The following MGMT variants were observed in gnomAD, a reference collection of about 807,000 sequenced individuals.
MGMT encodes the protein O-6-methylguanine-DNA methyltransferase, also known as methylated-DNA--protein-cysteine methyltransferase.
In MGMT, 14 loss-of-function variants were observed where a neutral mutation model predicts 15.9. The observed-to-expected ratio is 0.88, with a 90% CI of 0.58 to 1.37. The LOEUF (loss-of-function observed/expected upper bound fraction) is 1.37, where lower values mean the gene tolerates loss of function less well. Among genes scored for constraint, MGMT ranks in the 40% most tolerant of loss-of-function variants. The pLI is 0.00. For missense variants in MGMT, 282 were observed against 268.1 expected, an observed-to-expected ratio of 1.05 and a Z score of -0.36; for synonymous variants, 130 against 118.2, an observed-to-expected ratio of 1.10 and a Z score of -0.65.
intron 2 of MGMT, among the ~76,000 whole-genome samples, chr10:129,595,837 T>C (rs575834592): frequency 2.3e-4 from 35 of 152,238 alleles, no homozygotes; most frequent in Non-Finnish European, 3.4e-4. Context: ...CCTCCTGTCT[T>C]GCACTCAAGC....
intron 2 of MGMT, among the ~76,000 whole-genome samples, chr10:129,540,679 A>G (rs1475122796): frequency 6.6e-6 from 1 of 152,212 alleles, no homozygotes; most frequent in Non-Finnish European, 1.5e-5. Context: ...TTGTTTTGGA[A>G]TTAGTCTCAT....
intron 2 of MGMT, among the ~76,000 whole-genome samples, chr10:129,543,131 C>T (rs1201820677): frequency 1.3e-5 from 2 of 152,224 alleles, no homozygotes; most frequent in Admixed American, 1.3e-4. Flanking sequence ...GGGCCGACTG[C>T]TGGCCCCCGG....
intron 3 of MGMT, among the ~76,000 whole-genome samples, chr10:129,718,945 G>A (rs767363796): frequency 4.0e-5 from 6 of 149,172 alleles, no homozygotes; most frequent in Admixed American, 6.7e-5. Flanking sequence ...ATCACCTTCC[G>A]CTCAGGTGTG....
intron 3 of MGMT, among the ~76,000 whole-genome samples, chr10:129,720,698 G>A (rs376133696): frequency 6.6e-5 from 10 of 152,222 alleles, no homozygotes; most frequent in East Asian, 3.8e-4. Flanking sequence ...AACTGGGGCC[G>A]GAGAGCTTTC....
chr10:129,550,515 C>T (rs1259672814), intron 2 of MGMT, among the ~76,000 whole-genome samples: 2 of 151,208 alleles, frequency 1.3e-5, no homozygotes, highest in African/African-American at 2.4e-5. Flanking sequence ...GGTGCGATCT[C>T]GGCTCACTGC....
chr10:129,634,509 C>T (rs1371012941), intron 2 of MGMT, among the ~76,000 whole-genome samples: 2 of 151,918 alleles, frequency 1.3e-5, no homozygotes, highest in African/African-American at 4.8e-5. Context: ...ATAATCCTTC[C>T]TTCCTTTCTT....
At chr10:129,632,621 G>A (rs910230522) in intron 2 of MGMT, among the ~76,000 whole-genome samples, 1 of 152,186 alleles carries the variant, frequency 6.6e-6, no homozygotes, top group East Asian at 1.9e-4. Context: ...CTGGTGAATA[G>A]AGCAGACCCT....
At chr10:129,708,997 T>C (rs1034963424) in intron 3 of MGMT, among the ~76,000 whole-genome samples, 1 of 152,008 alleles carries the variant, frequency 6.6e-6, no homozygotes, top group African/African-American at 2.4e-5. Flanking sequence ...AATACCTGAG[T>C]TCACTAACCA....
intron 2 of MGMT, among the ~76,000 whole-genome samples, chr10:129,651,669 C>T (rs1408458530): frequency 2.0e-5 from 3 of 152,024 alleles, no homozygotes; most frequent in South Asian, 2.1e-4. Context: ...CCATACCGGT[C>T]GTTTGCCTGA....
chr10:129,731,905 G>A (rs1023122054), intron 3 of MGMT, among the ~76,000 whole-genome samples: 6 of 152,132 alleles, frequency 3.9e-5, no homozygotes, highest in Non-Finnish European at 8.8e-5. Context: ...CGTTTAATCC[G>A]TTGTGTTGTC....
chr10:129,657,240 G>A (rs752356088), intron 2 of MGMT, among the ~76,000 whole-genome samples: 1 of 152,108 alleles, frequency 6.6e-6, no homozygotes, highest in Non-Finnish European at 1.5e-5. Context: ...GCTTCGAATC[G>A]GGATTTTCCT....
intron 2 of MGMT, among the ~76,000 whole-genome samples, chr10:129,634,342 C>T (rs578235440): frequency 6.6e-6 from 1 of 152,256 alleles, no homozygotes; most frequent in East Asian, 1.9e-4. Flanking sequence ...GTGTCTTTTA[C>T]TTGGTTTCAC....
intron 1 of MGMT, among the ~76,000 whole-genome samples, chr10:129,508,960 T>A (rs1298378667): frequency 6.6e-6 from 1 of 152,192 alleles, no homozygotes; most frequent in East Asian, 1.9e-4. Flanking sequence ...TGGATATTGC[T>A]AATTACTTAT....
At chr10:129,476,690 C>T (rs946056698) in intron 1 of MGMT, among the ~76,000 whole-genome samples, 43 of 152,144 alleles carry the variant, frequency 2.8e-4, no homozygotes, top group African/African-American at 9.2e-4. Flanking sequence ...AGCTCTGGCA[C>T]CAAGGCCATG....
At chr10:129,518,007 G>T (rs1054441415) in intron 1 of MGMT, among the ~76,000 whole-genome samples, 1 of 152,008 alleles carries the variant, frequency 6.6e-6, no homozygotes, top group East Asian at 1.9e-4. Context: ...GAGATATTTC[G>T]CACCTCTGTG....
chr10:129,663,604 A>C (rs139914250), intron 2 of MGMT, among the ~76,000 whole-genome samples: 98 of 152,308 alleles, frequency 6.4e-4, no homozygotes, highest in African/African-American at 2.0e-3. Context: ...AAGGAAAAAA[A>C]TGGGGAAACA....
intron 2 of MGMT, among the ~76,000 whole-genome samples, chr10:129,581,234 G>T (rs553465512): frequency 6.6e-6 from 1 of 152,100 alleles, no homozygotes; most frequent in African/African-American, 2.4e-5. Flanking sequence ...CATTCCATCC[G>T]CTGTGGCTGA....
chr10:129,530,702 C>T (rs1845921333), intron 1 of MGMT, among the ~76,000 whole-genome samples: 1 of 152,210 alleles, frequency 6.6e-6, no homozygotes, highest in African/African-American at 2.4e-5. Flanking sequence ...TGTGGCTTTT[C>T]AGGGAAAAGG....
intron 3 of MGMT, among the ~76,000 whole-genome samples, chr10:129,750,815 T>G (rs1030593239): frequency 1.3e-5 from 2 of 152,122 alleles, no homozygotes; most frequent in Non-Finnish European, 2.9e-5. Flanking sequence ...GTCTGTTCTT[T>G]TACCAATGCC....
Sources: allele counts gnomAD v4.1 joint callset (sites outside exome capture counted in the v4.1 genomes callset), GRCh38; gene constraint gnomAD v4.1.1; transcripts MANE v1.5; gene names NCBI Gene and HGNC (gene_info 2026-07-23, HGNC 2026-07-21).